Variants in TECRL observed in about 807,000 individuals in gnomAD.
The protein encoded by TECRL is trans-2,3-enoyl-CoA reductase-like.
TECRL carries 63 observed loss-of-function variants against 52.8 expected under a neutral mutation model. The observed-to-expected ratio is 1.19, with a 90% CI of 0.97 to 1.47. The LOEUF (loss-of-function observed/expected upper bound fraction) is 1.47, where lower values mean the gene tolerates loss of function less well. Among genes scored for constraint, TECRL ranks in the 40% most tolerant of loss-of-function variants. TECRL has a pLI of 0.00. For missense variants in TECRL, 482 were observed against 429.6 expected (o/e 1.12, Z -1.08); for synonymous variants, 164 against 141.9 (o/e 1.16, Z -1.10).
intron 1 of TECRL, among the ~76,000 whole-genome samples, chr4:64,389,978 T>G (rs1233271334): frequency 2.0e-5 from 3 of 151,900 alleles, no homozygotes; most frequent in African/African-American, 4.8e-5. Context: ...ATGTTAAGCC[T>G]TGCTTTACAA....
At chr4:64,325,411 A>G (rs1008391280) in intron 3 of TECRL, among the ~76,000 whole-genome samples, 3 of 152,182 alleles carry the variant, frequency 2.0e-5, no homozygotes, top group Non-Finnish European at 4.4e-5. Context: ...AAGAAGATGG[A>G]AGTGGCTTTT....
intron 1 of TECRL, among the ~76,000 whole-genome samples, chr4:64,398,701 A>T (rs1488533442): frequency 6.6e-6 from 1 of 152,182 alleles, no homozygotes; most frequent in Non-Finnish European, 1.5e-5. Flanking sequence ...AGGGTGAAGT[A>T]TTGCACACCT....
In TECRL at chr4:64,308,128, G is replaced by A. The variant is rs552590794; in HGVS notation, c.657+1698C>T. Among the ~76,000 whole-genome samples, 4 of 152,250 alleles carry A rather than the reference G, an allele frequency of 2.6e-5. No homozygotes were observed. In the South Asian group the frequency reaches 8.3e-4, roughly 32 times the overall value. On this transcript the variant is annotated intron_variant, in intron 6 of 11. Coordinates refer to ENST00000381210, the MANE Select transcript of TECRL (RefSeq NM_001010874.5). ...CTCCAGAGTGGGGAATGAGAGAGGA[G>A]GTAGGTAGGGGCTGATTAGGCAGAT...
chr4:64,311,768 C>T (rs1717014398), intron 5 of TECRL, among the ~76,000 whole-genome samples: 1 of 152,076 alleles, frequency 6.6e-6, no homozygotes, highest in African/African-American at 2.4e-5. Context: ...CTTCCAAACA[C>T]TGATTAGTTT....
In TECRL at chr4:64,362,819, T is replaced by C. The variant is rs1721290573; in HGVS notation, c.286+12353A>G. ...TGTACATAACAACCAGTTAACAACA[T>C]GAAGACAGGATTATATCCTTAAATA... On this transcript the variant is annotated intron_variant, in intron 2 of 11. Transcript: ENST00000381210. 4.6e-5 allele frequency among the ~76,000 whole-genome samples: 7 copies of C among 152,000 alleles called. No homozygotes were observed. In the South Asian group the frequency reaches 1.4e-3, roughly 31 times the overall value.
chr4:64,280,987 T>A lies in TECRL; in HGVS notation c.964+54A>T, dbSNP rs903797973. ...TATAATAACTTTTTCTCAGAAACCA[T>A]TTATCTTAAAGATGCATTTATTTTG... On this transcript the variant is annotated intron_variant, in intron 11 of 11. Coordinates refer to ENST00000381210, the MANE Select transcript of TECRL (RefSeq NM_001010874.5). 2.2e-6 allele frequency: 3 copies of A among 1,357,852 alleles called. No individual in the cohort carries two copies. The African/African-American group carries it at 4.3e-5, about 20-fold the overall frequency. The allele number at this position is 1,357,852 out of a possible 1,614,324, so 84.1% of individuals were successfully genotyped here. A position where few individuals can be genotyped will look rare whatever the true frequency, so the allele number is the denominator to read the frequency against.
intron 8 of TECRL, chr4:64,298,980 G>A (rs1723849842): frequency 6.6e-6 from 1 of 151,056 alleles, no homozygotes; most frequent in South Asian, 2.1e-4. Context: ...TGCACAATTG[G>A]AAAATTACAA....
intron 3 of TECRL, among the ~76,000 whole-genome samples, 171 bp from the exon 4 acceptor site, chr4:64,322,963 A>C (rs1718009168): frequency 6.6e-6 from 1 of 152,188 alleles, no homozygotes; most frequent in South Asian, 2.1e-4. Flanking sequence ...ATTTTATAAC[A>C]TATATCTAGC....
chr4:64,310,560 A>G (rs1724615513), intron 5 of TECRL, among the ~76,000 whole-genome samples: 1 of 152,162 alleles, frequency 6.6e-6, no homozygotes, highest in African/African-American at 2.4e-5. Context: ...TTAAAAGTAA[A>G]CAAAAATGTG....
intron 8 of TECRL, among the ~76,000 whole-genome samples, chr4:64,299,578 G>A (rs1194210778): frequency 6.6e-6 from 1 of 150,972 alleles, no homozygotes; most frequent in Admixed American, 6.6e-5. Context: ...CATTAAAAAG[G>A]CTAACTCTGA....
chr4:64,305,964 T>C (rs1425534068), intron 6 of TECRL, among the ~76,000 whole-genome samples: 1 of 152,132 alleles, frequency 6.6e-6, no homozygotes, highest in Non-Finnish European at 1.5e-5. Flanking sequence ...TTACACACTC[T>C]CCAGTGTCCA....
intron 2 of TECRL, among the ~76,000 whole-genome samples, chr4:64,362,241 AG>A (rs1193017063): frequency 2.0e-5 from 3 of 152,088 alleles, no homozygotes; most frequent in Non-Finnish European, 4.4e-5. Flanking sequence ...AATCCCTGAA[AG>A]AGATGAAGTG....
intron 1 of TECRL, among the ~76,000 whole-genome samples, chr4:64,389,621 C>A (rs1465317963): frequency 1.3e-5 from 2 of 151,670 alleles, no homozygotes; most frequent in African/African-American, 4.8e-5. Flanking sequence ...GTAATGTTGG[C>A]ATCATAGAGT....
chr4:64,374,060 T>TAC (rs1722187614), intron 2 of TECRL, among the ~76,000 whole-genome samples: 1 of 137,450 alleles, frequency 7.3e-6, no homozygotes, highest in African/African-American at 2.6e-5. Flanking sequence ...TACATATATA[T>TAC]ATATATATAT....
intron 9 of TECRL, among the ~76,000 whole-genome samples, chr4:64,285,185 A>G (rs191357687): frequency 2.0e-5 from 3 of 152,202 alleles, no homozygotes; most frequent in Admixed American, 2.0e-4. Flanking sequence ...GTCTTCACTA[A>G]AGGGAACTGC....
At position 64,375,249 on chromosome 4, in the gene TECRL, A is replaced by T. The variant is rs72614757; in HGVS notation, c.235-26T>A. ...CTGAAAAGGAAAAGAAAATAGAGTT[A>T]TTTTTAAAAACTGTTAATTTGTTTT... On this transcript the variant is annotated intron_variant, in intron 1 of 11. Transcript: ENST00000381210. 254,220 of 1,224,928 alleles carry T rather than the reference A, an allele frequency of 0.21. 27,479 individuals carry two copies. The highest frequency in any genetic ancestry group is 0.27 in the Middle Eastern group (1,148 of 4,188). The allele number at this position is 1,224,928 out of a possible 1,614,324, so 75.9% of individuals were successfully genotyped here.
At chr4:64,345,035 A>G (rs1719850093) in intron 2 of TECRL, among the ~76,000 whole-genome samples, 1 of 152,192 alleles carries the variant, frequency 6.6e-6, no homozygotes, top group Non-Finnish European at 1.5e-5. Context: ...TAGAATGGCG[A>G]TCATTAAAAA....
intron 2 of TECRL, among the ~76,000 whole-genome samples, chr4:64,332,086 T>C (rs2110052791): frequency 6.6e-6 from 1 of 152,160 alleles, no homozygotes; most frequent in East Asian, 1.9e-4. Flanking sequence ...CAGGAGAAGC[T>C]CAGAAAGCTG....
intron 6 of TECRL, among the ~76,000 whole-genome samples, chr4:64,308,852 A>G (rs1724502440): frequency 6.6e-6 from 1 of 152,248 alleles, no homozygotes; most frequent in Admixed American, 6.5e-5. Flanking sequence ...AGAATATTTT[A>G]GAAAAATTTG....
Sources: allele counts gnomAD v4.1 joint callset (sites outside exome capture counted in the v4.1 genomes callset), GRCh38; gene constraint gnomAD v4.1.1; transcripts MANE v1.5; gene names NCBI Gene and HGNC (gene_info 2026-07-23, HGNC 2026-07-21).